Variants in ADGRB1 observed in about 807,000 individuals in gnomAD.
ADGRB1 encodes the protein brain-specific angiogenesis inhibitor 1.
In ADGRB1, 36 loss-of-function variants were observed where a neutral mutation model predicts 175.7. The observed-to-expected ratio is 0.20, with a 90% CI of 0.16 to 0.27. ADGRB1 has a LOEUF of 0.27. ADGRB1 is among the 10% of genes least tolerant of loss of function. The probability of loss-of-function intolerance (pLI) is 1.00; values close to 1 mark genes in which losing one functional copy is unlikely to be tolerated. For synonymous variants in ADGRB1, 1,054 were observed against 979.4 expected (o/e 1.08, Z -1.42); for missense variants, 1,731 against 2,255.3 (o/e 0.77, Z 4.71).
rs1458855009 is a variant in ADGRB1 at position 142,510,873 on chromosome 8, G to A, written c.2676-59G>A. Reference sequence around the variant, plus strand: ...CCGCCGCTCGGGGGCCGGGGCGCCCGCGTCCCCGCCGCCGCTGACGCTCCG... The same window carrying A: ...CCGCCGCTCGGGGGCCGGGGCGCCCACGTCCCCGCCGCCGCTGACGCTCCG... On this transcript the variant is annotated intron_variant, in intron 17 of 30. Coordinates refer to ENST00000517894, the MANE Select transcript of ADGRB1 (RefSeq NM_001702.3). The surrounding 1 kb of genome is among the most constrained non-coding windows in gnomAD (Gnocchi z 6.3). 7.3e-6 allele frequency: 7 copies of A among 960,730 alleles called. No homozygotes were observed. Among genetic ancestry groups the A allele is most frequent in the South Asian group, 4.7e-5 (1 of 21,352 alleles). The allele number at this position is 960,730 out of a possible 1,614,324, so 59.5% of individuals were successfully genotyped here.
chr8:142,523,322 C>T (rs1366039241), intron 22 of ADGRB1, among the ~76,000 whole-genome samples: 1 of 128,848 alleles, frequency 7.8e-6, no homozygotes, highest in Non-Finnish European at 1.7e-5. Context: ...GGAACCGAGG[C>T]TTGAAGGGAG....
intron 27 of ADGRB1, 190 bp downstream of exon 27, chr8:142,539,603 C>T (rs952133740): frequency 2.7e-5 from 18 of 667,492 alleles, no homozygotes; most frequent in South Asian, 5.6e-5. Context: ...CTTCCACCCC[C>T]GTCCACTTCC....
At chr8:142,479,552 T>A (rs1841215019) in intron 8 of ADGRB1, 65 bp downstream of exon 8, 1 of 1,512,640 alleles carries the variant, frequency 6.6e-7, no homozygotes, top group Non-Finnish European at 8.8e-7. Flanking sequence ...GGGCTTGGGC[T>A]CAGCTGTCAC....
chr8:142,529,952 G>A (rs937363896), intron 24 of ADGRB1, among the ~76,000 whole-genome samples: 11 of 151,812 alleles, frequency 7.2e-5, no homozygotes, highest in Non-Finnish European at 1.0e-4. Flanking sequence ...ATCTGTGTGA[G>A]TGCAACCCAG....
Position 142,544,707 on chromosome 8 carries a change from C to T in ADGRB1, c.*290C>T, listed in dbSNP as rs892021902. 2.1e-5 allele frequency: 6 copies of T among 286,134 alleles called. No individual in the cohort carries two copies. Among genetic ancestry groups the T allele is most frequent in the Non-Finnish European group, 3.8e-5 (6 of 155,862 alleles). The allele number at this position is 286,134 out of a possible 1,614,324, so 17.7% of individuals were successfully genotyped here. On this transcript the variant is annotated 3_prime_UTR_variant, in exon 31 of 31. Coordinates refer to ENST00000517894, the MANE Select transcript of ADGRB1 (RefSeq NM_001702.3). ...GGGCAGATGGGCGGACGGCTGTGGA[C>T]CGTGGACAGGCCCAGCGCGGCCAGC...
rs145541921 is a variant in ADGRB1 at position 142,500,211 on chromosome 8, C to T, written c.2675+9396C>T. ...TCGCCCCCGCCCCACACCGCTCCTC[C>T]ACTTCCCCCCGCGCCGCTCCTCCAC... On this transcript the variant is annotated intron_variant, in intron 17 of 30. Coordinates refer to ENST00000517894, the MANE Select transcript of ADGRB1 (RefSeq NM_001702.3). Among the ~76,000 whole-genome samples, 13 of 149,394 alleles carry T rather than the reference C, an allele frequency of 8.7e-5. No individual in the cohort carries two copies. The East Asian group carries it at 2.4e-3, about 28-fold the overall frequency.
intron 17 of ADGRB1, among the ~76,000 whole-genome samples, chr8:142,506,116 C>T (rs939700279): frequency 1.3e-5 from 2 of 152,192 alleles, no homozygotes; most frequent in African/African-American, 4.8e-5. Context: ...TGGGCGACCC[C>T]GAGGTGGAGT....
rs147848916 is a variant in ADGRB1, at chr8:142,490,863, G to T, written c.2675+48G>T. ...GCCGTGGGGGTCTGGGGTGGGGTTC[G>T]TGGGAGGCTGGCCCAGTAGGGGAGG... is the stretch of plus-strand genomic sequence containing the variant. On this transcript the variant is annotated intron_variant, in intron 17 of 30. Transcript: ENST00000517894. The T allele has an allele frequency of 1.9e-4, 299 of 1,550,164 alleles. No individual in the cohort carries two copies. In the African/African-American group the frequency reaches 2.5e-3, roughly 13 times the overall value.
chr8:142,536,944 G>T, intron 25 of ADGRB1, 43 bp from the exon 26 acceptor site: 1 of 1,505,470 alleles, frequency 6.6e-7, no homozygotes, highest in Non-Finnish European at 9.0e-7. Context: ...GGCGCAGGGT[G>T]GGGGCGTGGC....
chr8:142,484,683 C>G lies in ADGRB1; in HGVS notation c.2227C>G (p.Arg743Gly). The change falls in exon 13 of 31, where the codon CGG becomes GGG. Residue 743 changes from arginine to glycine, a missense_variant. Arg to Gly is a moderately radical substitution (Grantham distance 125). Coordinates refer to ENST00000517894, the MANE Select transcript of ADGRB1 (RefSeq NM_001702.3). The stretch of plus-strand genomic sequence containing the variant: ...GGGCCCCAACGCCAAGGAGCTGTTC[C>G]GGCTGGTGGAGGACTTTGTGGACGT... ...LAGPNAKELF[R>G]LVEDFVDVIG... is the part of the protein sequence containing the mutation. 2 of 1,611,474 alleles carry G rather than the reference C, an allele frequency of 1.2e-6. No homozygotes were observed. Among genetic ancestry groups the G allele is most frequent in the Non-Finnish European group, 1.7e-6 (2 of 1,179,120 alleles).
intron 1 of ADGRB1, among the ~76,000 whole-genome samples, chr8:142,453,464 G>C (rs1032770316): frequency 1.3e-5 from 2 of 152,084 alleles, no homozygotes; most frequent in Non-Finnish European, 2.9e-5. Flanking sequence ...TAACCCCTCC[G>C]GGCCCGCGAG....
rs977832624 is a variant in ADGRB1, at chr8:142,478,046, G to A, written c.1388-141G>A. ...CACCCATGTCACAGGCTGGCCGTGG[G>A]TGGTGGCCCCCAGGGTGTTCTCATC... On this transcript the variant is annotated intron_variant, in intron 6 of 30. Coordinates refer to ENST00000517894, the MANE Select transcript of ADGRB1 (RefSeq NM_001702.3). The A allele has an allele frequency of 3.5e-6, 4 of 1,143,162 alleles. No homozygotes were observed. In the African/African-American group the frequency reaches 4.6e-5, roughly 13 times the overall value. The allele number at this position is 1,143,162 out of a possible 1,614,324, so 70.8% of individuals were successfully genotyped here.
At chr8:142,465,038 G>A (rs1840186982) in intron 2 of ADGRB1, 56 bp downstream of exon 2, 11 of 1,328,208 alleles carry the variant, frequency 8.3e-6, no homozygotes, top group Admixed American at 3.6e-5. Flanking sequence ...CAGGGGAGGC[G>A]GGCAGACAGG....
chr8:142,518,476 G>T (rs1189106678), intron 19 of ADGRB1, among the ~76,000 whole-genome samples: 1 of 152,156 alleles, frequency 6.6e-6, no homozygotes, highest in Non-Finnish European at 1.5e-5. Flanking sequence ...AACACAGGGG[G>T]TGGGGCCTGG....
intron 23 of ADGRB1, among the ~76,000 whole-genome samples, chr8:142,524,578 A>G (rs1437566843): frequency 6.6e-6 from 1 of 152,148 alleles, no homozygotes; most frequent in African/African-American, 2.4e-5. Context: ...ACCTGCCAGG[A>G]GATCCCCGCG....
rs1383468184 is a variant in ADGRB1, at chr8:142,516,292, G to T, written c.2818-1846G>T. Among the ~76,000 whole-genome samples the T allele has an allele frequency of 1.1e-3, 125 of 110,322 alleles. 5 individuals are homozygous for T. The Middle Eastern group carries it at 0.023, about 20-fold the overall frequency. The allele number at this position is 110,322 out of a possible 152,430, so 72.4% of individuals were successfully genotyped here. A position where few individuals can be genotyped will look rare whatever the true frequency, so the allele number is the denominator to read the frequency against. On this transcript the variant is annotated intron_variant, in intron 18 of 30. Transcript: ENST00000517894. Reference sequence around the variant, plus strand: ...TGCGGGCCCCAGTTGCGTGTGTGTGGGCCCCAGGTGCATGCGTGTGTGCGG... The same window carrying T: ...TGCGGGCCCCAGTTGCGTGTGTGTGTGCCCCAGGTGCATGCGTGTGTGCGG...
At position 142,543,663 on chromosome 8, in the gene ADGRB1, G is replaced by T. The variant is rs747041072; in HGVS notation, c.4512G>T (p.Gln1504His). Residue 1504 changes from glutamine (Q) to histidine (H), a missense_variant, in exon 30 of 31, where the codon CAG becomes CAT. Transcript: ENST00000517894. The surrounding 1 kb of genome is among the most constrained non-coding windows in gnomAD (Gnocchi z 4.4). ...TCCAGGACCTGAACCGGAAGCTGCA[G>T]CACGCAGCGGAGAAGGACAAGGAGG... is the stretch of plus-strand genomic sequence containing the variant. ...DMFQDLNRKL[Q>H]HAAEKDKEVL... 6.3e-6 allele frequency: 9 copies of T among 1,434,214 alleles called. No individual in the cohort carries two copies. Among genetic ancestry groups the T allele is most frequent in the Admixed American group, 4.1e-5 (2 of 48,772 alleles). 88.8% of individuals were successfully genotyped at this position (1,434,214 alleles called of 1,614,324 possible). A position where few individuals can be genotyped will look rare whatever the true frequency, so the allele number is the denominator to read the frequency against.
At chr8:142,452,764 G>A (rs1183339474) in intron 1 of ADGRB1, among the ~76,000 whole-genome samples, 1 of 151,892 alleles carries the variant, frequency 6.6e-6, no homozygotes, top group Non-Finnish European at 1.5e-5. Context: ...GGCGTCCTCC[G>A]CCCCCGGTCG....
At chr8:142,522,223 C>T in intron 21 of ADGRB1, 108 bp downstream of exon 21, 1 of 1,442,136 alleles carries the variant, frequency 6.9e-7, no homozygotes, top group Non-Finnish European at 9.3e-7. Context: ...CCCCTGGGGC[C>T]TCAGTTGCTG....
Sources: allele counts gnomAD v4.1 joint callset (sites outside exome capture counted in the v4.1 genomes callset), GRCh38; gene constraint gnomAD v4.1.1; non-coding constraint Gnocchi (gnomAD v3.1); transcripts MANE v1.5; gene names NCBI Gene and HGNC (gene_info 2026-07-23, HGNC 2026-07-21).